PTPRT: variants seen among roughly 807,000 people sequenced by gnomAD.
PTPRT encodes protein tyrosine phosphatase receptor type T, also known as receptor-type tyrosine-protein phosphatase T.
PTPRT carries 56 observed loss-of-function variants against 176.8 expected under a neutral mutation model. That is an observed-to-expected ratio of 0.32 (90% CI 0.26 to 0.40). The LOEUF is 0.40. Among genes scored for constraint, PTPRT ranks in the 10% least tolerant of loss-of-function variants. The pLI, the probability that PTPRT is intolerant of heterozygous loss-of-function variation, is 1.00. For missense variants in PTPRT, 1,540 were observed against 1,908.2 expected, an observed-to-expected ratio of 0.81 and a Z score of 3.60; for synonymous variants, 783 against 739.0, an observed-to-expected ratio of 1.06 and a Z score of -0.96.
chr20:42,571,450 T>G (rs1208263592), intron 7 of PTPRT, among the ~76,000 whole-genome samples: 1 of 152,138 alleles, frequency 6.6e-6, no homozygotes, highest in East Asian at 1.9e-4. Flanking sequence ...ACACATCAAT[T>G]TTAGCCCAGT....
the PTPRT span, among the ~76,000 whole-genome samples, chr20:42,035,024 C>A: frequency 6.6e-6 from 1 of 152,144 alleles, no homozygotes; most frequent in African/African-American, 2.4e-5. Context: ...GTTTTAAAAC[C>A]AGGTTTGGAG....
chr20:42,896,676 G>T (rs913448602), intron 1 of PTPRT, among the ~76,000 whole-genome samples: 5 of 151,208 alleles, frequency 3.3e-5, no homozygotes, highest in Admixed American at 1.3e-4. Flanking sequence ...GATGGTGATA[G>T]CAGAGCATTA....
chr20:42,777,005 T>C (rs1378416729), intron 4 of PTPRT, among the ~76,000 whole-genome samples: 1 of 152,108 alleles, frequency 6.6e-6, no homozygotes, highest in Non-Finnish European at 1.5e-5. Context: ...GTGCCTGACA[T>C]GGAGCTCACG....
At chr20:42,529,268 T>C (rs2072333893) in intron 7 of PTPRT, among the ~76,000 whole-genome samples, 1 of 152,044 alleles carries the variant, frequency 6.6e-6, no homozygotes, top group Non-Finnish European at 1.5e-5. Flanking sequence ...GTAAAGGTAA[T>C]AAAAGGTATC....
At chr20:42,725,066 C>T (rs542803875) in intron 6 of PTPRT, among the ~76,000 whole-genome samples, 1 of 150,602 alleles carries the variant, frequency 6.6e-6, no homozygotes, top group African/African-American at 2.5e-5. Flanking sequence ...TTGCTCTTTT[C>T]GCCCAGGCTG....
chr20:43,086,713 C>T (rs572275950), intron 1 of PTPRT, among the ~76,000 whole-genome samples: 17 of 152,280 alleles, frequency 1.1e-4, no homozygotes, highest in Middle Eastern at 3.4e-3. Flanking sequence ...ATAAGGACCA[C>T]GACTCTGTGT....
intron 8 of PTPRT, among the ~76,000 whole-genome samples, chr20:42,464,202 C>T (rs142065839): frequency 1.2e-3 from 187 of 152,198 alleles, no homozygotes; most frequent in Admixed American, 2.4e-3. Context: ...TATGGTATCA[C>T]GAAAAGGGCA....
chr20:42,413,474 A>C (rs1381857217), intron 9 of PTPRT, among the ~76,000 whole-genome samples: 2 of 152,166 alleles, frequency 1.3e-5, no homozygotes, highest in African/African-American at 4.8e-5. Context: ...AACTTAACAA[A>C]AGGTAGGCTT....
In PTPRT at chr20:42,110,415, A is replaced by G. The variant is rs754915952; in HGVS notation, c.3172T>C (p.Tyr1058His). The G allele has an allele frequency of 6.2e-7, 1 of 1,612,988 alleles. No individual in the cohort carries two copies. Among genetic ancestry groups the G allele is most frequent in the Admixed American group, 1.7e-5 (1 of 60,020 alleles). Residue 1058 changes from tyrosine (Y) to histidine (H), a missense_variant, in exon 23 of 31, where the codon TAT becomes CAT. Around this residue, in one of 11 missense-constraint regions of PTPRT, gnomAD observed 248 missense variants for 356.7 expected, o/e 0.70. Transcript: ENST00000373187. Reference protein sequence around the residue: ...TSWPDHGVPCYATGLLGFVRQ... With the variant: ...TSWPDHGVPCHATGLLGFVRQ... ...ACGAAGCCCAGAAGGCCAGTGGCATAGCAGGGAACGCCGTGGTCAGGCCAG... is the reference window on the plus strand; with the variant it reads ...ACGAAGCCCAGAAGGCCAGTGGCATGGCAGGGAACGCCGTGGTCAGGCCAG...
intron 27 of PTPRT, among the ~76,000 whole-genome samples, chr20:42,093,121 A>G (rs3091889): frequency 0.62 from 94,942 of 152,034 alleles, 30,112 homozygotes; most frequent in African/African-American, 0.73. Flanking sequence ...TTTGGCTGGC[A>G]TGCAGGATCT....
At chr20:42,683,700 G>A (rs6065525) in intron 6 of PTPRT, among the ~76,000 whole-genome samples, 44,823 of 152,078 alleles carry the variant, frequency 0.29, 6,789 homozygotes, top group African/African-American at 0.3. Context: ...AACTTTCTAC[G>A]ATTTATGCGC....
intron 1 of PTPRT, among the ~76,000 whole-genome samples, chr20:43,073,478 T>TACACAC (rs372231055): frequency 1.4e-3 from 140 of 96,764 alleles, no homozygotes; most frequent in Non-Finnish European, 3.6e-4. Flanking sequence ...AATATATATA[T>TACACAC]ATACACACAC....
intron 2 of PTPRT, among the ~76,000 whole-genome samples, chr20:42,824,781 A>G (rs2077964344): frequency 6.6e-6 from 1 of 152,080 alleles, no homozygotes; most frequent in Non-Finnish European, 1.5e-5. Context: ...AAAGTTTTCT[A>G]TAATGGACAA....
At chr20:42,271,954 T>C (rs1472191627) in intron 13 of PTPRT, among the ~76,000 whole-genome samples, 1 of 152,120 alleles carries the variant, frequency 6.6e-6, no homozygotes. Context: ...ACTATAAAAT[T>C]TAACCACCAG....
intron 7 of PTPRT, among the ~76,000 whole-genome samples, chr20:42,642,280 T>C (rs2074774371): frequency 6.6e-6 from 1 of 152,178 alleles, no homozygotes. Context: ...GATCATTCTT[T>C]CACATCACAC....
intron 11 of PTPRT, among the ~76,000 whole-genome samples, chr20:42,317,372 C>A (rs1029296004): frequency 6.6e-6 from 1 of 152,098 alleles, no homozygotes; most frequent in Non-Finnish European, 1.5e-5. Context: ...TCTTTGAATG[C>A]CCCACAGTTT....
At chr20:43,013,881 A>C (rs987001213) in intron 1 of PTPRT, among the ~76,000 whole-genome samples, 5 of 152,214 alleles carry the variant, frequency 3.3e-5, no homozygotes, top group African/African-American at 1.2e-4. Context: ...AAGTTCCTTA[A>C]GCACTTATGT....
chr20:42,881,280 T>C (rs1274939301), intron 2 of PTPRT, among the ~76,000 whole-genome samples: 2 of 152,130 alleles, frequency 1.3e-5, no homozygotes, highest in Non-Finnish European at 2.9e-5. Flanking sequence ...TTGTGTAAGA[T>C]TGGAATACAC....
intron 15 of PTPRT, among the ~76,000 whole-genome samples, chr20:42,231,242 T>G (rs2056128708): frequency 1.3e-5 from 2 of 152,196 alleles, no homozygotes; most frequent in Admixed American, 6.5e-5. Flanking sequence ...CTGGCTGCTG[T>G]GCTCCAAGCA....
Sources: allele counts gnomAD v4.1 joint callset (sites outside exome capture counted in the v4.1 genomes callset), GRCh38; gene constraint gnomAD v4.1.1; regional missense constraint gnomAD v4.1.1; transcripts MANE v1.5; gene names NCBI Gene and HGNC (gene_info 2026-07-23, HGNC 2026-07-21).